GPC5: variants seen among roughly 807,000 people sequenced by gnomAD.
The protein encoded by GPC5 is glypican-5.
A neutral mutation model predicts 53.9 loss-of-function variants in GPC5; 47 were observed. The ratio of observed to expected loss-of-function variants is 0.87; its 90% CI spans 0.69 to 1.11. GPC5 has a LOEUF of 1.11. Ranked by LOEUF, GPC5 falls within the 50% of genes most tolerant of loss-of-function variation. The pLI, the probability that GPC5 is intolerant of heterozygous loss-of-function variation, is 0.00. For synonymous variants in GPC5, 286 were observed against 263.3 expected (o/e 1.09, Z -0.84); for missense variants, 748 against 713.1 (o/e 1.05, Z -0.56).
chr13:92,475,729 G>A (rs950739727), intron 7 of GPC5, among the ~76,000 whole-genome samples: 6 of 152,050 alleles, frequency 3.9e-5, no homozygotes, highest in East Asian at 1.9e-4. Flanking sequence ...CAGAAATAAC[G>A]CTGAATATCT....
chr13:92,237,369 A>G (rs1197022753), intron 7 of GPC5, among the ~76,000 whole-genome samples: 1 of 151,888 alleles, frequency 6.6e-6, no homozygotes, highest in East Asian at 1.9e-4. Flanking sequence ...ACAGGCACGC[A>G]CCACCAAGCA....
At chr13:91,756,216 G>A (rs1461468626) in intron 4 of GPC5, 79 bp from the exon 5 acceptor site, 12 of 1,042,030 alleles carry the variant, frequency 1.2e-5, no homozygotes, top group South Asian at 2.9e-5. Context: ...TAAACATTAT[G>A]TATAACAATA....
At chr13:92,637,135 T>G (rs889761708) in intron 7 of GPC5, among the ~76,000 whole-genome samples, 1 of 152,146 alleles carries the variant, frequency 6.6e-6, no homozygotes, top group Non-Finnish European at 1.5e-5. Context: ...CTCCTAATAG[T>G]CCTATCCATT....
intron 3 of GPC5, among the ~76,000 whole-genome samples, chr13:91,708,939 A>G (rs1267411807): frequency 6.6e-6 from 1 of 152,256 alleles, no homozygotes; most frequent in Non-Finnish European, 1.5e-5. Context: ...CAGATAAAAA[A>G]AAGTTCTCAT....
intron 7 of GPC5, among the ~76,000 whole-genome samples, chr13:92,586,972 ACACACACG>A (rs1175941416): frequency 6.6e-6 from 1 of 151,754 alleles, no homozygotes; most frequent in East Asian, 1.9e-4. Flanking sequence ...ACGCGCACAC[ACACACACG>A]CACACACACT....
intron 6 of GPC5, among the ~76,000 whole-genome samples, chr13:92,022,922 A>C (rs1202432677): frequency 6.6e-6 from 1 of 152,030 alleles, no homozygotes; most frequent in Non-Finnish European, 1.5e-5. Context: ...GCTCTGTTTC[A>C]ATTAATTTTT....
Position 91,519,684 on chromosome 13 carries a change from C to A in GPC5, c.325+70762C>A, listed in dbSNP as rs555267090. ...TCCAGTCTCAGGTATGTCTTTATAG[C>A]AGTGTGAGAATAGAATAATACATAT... On this transcript the variant is annotated intron_variant, in intron 2 of 7. Coordinates refer to ENST00000377067, the MANE Select transcript of GPC5 (RefSeq NM_004466.6). Among the ~76,000 whole-genome samples the A allele has an allele frequency of 7.2e-4, 110 of 152,146 alleles. 1 individual carries two copies. Among genetic ancestry groups the A allele is most frequent in the African/African-American group, 2.5e-3 (104 of 41,524 alleles).
intron 7 of GPC5, among the ~76,000 whole-genome samples, chr13:92,213,647 C>T (rs1158786939): frequency 6.6e-6 from 1 of 152,128 alleles, no homozygotes; most frequent in African/African-American, 2.4e-5. Flanking sequence ...TAATCTGTGA[C>T]ATTCCAAAAT....
intron 7 of GPC5, among the ~76,000 whole-genome samples, chr13:92,388,571 T>C (rs1874850932): frequency 6.6e-6 from 1 of 152,110 alleles, no homozygotes; most frequent in South Asian, 2.1e-4. Flanking sequence ...GGATGTATTG[T>C]TCATTGCAAT....
intron 2 of GPC5, among the ~76,000 whole-genome samples, chr13:91,656,890 T>C (rs1367496694): frequency 1.3e-5 from 2 of 152,174 alleles, no homozygotes; most frequent in African/African-American, 4.8e-5. Context: ...TTAGAAACAG[T>C]GCTGGGTGCT....
intron 7 of GPC5, among the ~76,000 whole-genome samples, chr13:92,829,065 C>A (rs1048970659): frequency 6.6e-5 from 10 of 152,088 alleles, no homozygotes; most frequent in Admixed American, 6.6e-4. Flanking sequence ...TGCAGAGCCA[C>A]CTTCTCATAC....
At chr13:92,029,505 C>T (rs574602213) in intron 6 of GPC5, among the ~76,000 whole-genome samples, 1 of 152,200 alleles carries the variant, frequency 6.6e-6, no homozygotes, top group African/African-American at 2.4e-5. Flanking sequence ...TGGACAACTT[C>T]TCGGGTTCAA....
intron 2 of GPC5, among the ~76,000 whole-genome samples, chr13:91,575,122 G>T (rs2139049784): frequency 6.6e-6 from 1 of 152,226 alleles, no homozygotes; most frequent in Admixed American, 6.5e-5. Flanking sequence ...GCAGTTTTCT[G>T]CCACTTCTGA....
At chr13:92,371,753 A>G (rs1299260922) in intron 7 of GPC5, among the ~76,000 whole-genome samples, 3 of 152,192 alleles carry the variant, frequency 2.0e-5, no homozygotes, top group Middle Eastern at 3.2e-3. Context: ...AAATGCCCCC[A>G]TGATTCAATT....
chr13:92,176,279 G>A (rs189292377), intron 7 of GPC5, among the ~76,000 whole-genome samples: 1 of 152,280 alleles, frequency 6.6e-6, no homozygotes, highest in East Asian at 1.9e-4. Context: ...GTATGCTAAG[G>A]CTCTCCCTGG....
chr13:92,623,404 G>T (rs538516905), intron 7 of GPC5, among the ~76,000 whole-genome samples: 2 of 152,300 alleles, frequency 1.3e-5, no homozygotes, highest in East Asian at 3.9e-4. Flanking sequence ...AGCTGTGAGG[G>T]CTGTAGAAGT....
intron 7 of GPC5, among the ~76,000 whole-genome samples, chr13:92,425,941 T>C (rs963858472): frequency 1.3e-5 from 2 of 152,130 alleles, no homozygotes; most frequent in African/African-American, 4.8e-5. Context: ...TATTTACACA[T>C]TTATAGTTGG....
At chr13:91,728,963 G>A (rs1408769662) in intron 4 of GPC5, among the ~76,000 whole-genome samples, 1 of 152,142 alleles carries the variant, frequency 6.6e-6, no homozygotes, top group African/African-American at 2.4e-5. Flanking sequence ...AATGTGACCA[G>A]TGTGACTGAG....
At chr13:92,098,575 G>A (rs996793736) in intron 6 of GPC5, among the ~76,000 whole-genome samples, 2 of 152,100 alleles carry the variant, frequency 1.3e-5, no homozygotes, top group Non-Finnish European at 2.9e-5. Flanking sequence ...GTAAAAGGCA[G>A]AAAAAATGCC....
Sources: allele counts gnomAD v4.1 joint callset (sites outside exome capture counted in the v4.1 genomes callset), GRCh38; gene constraint gnomAD v4.1.1; transcripts MANE v1.5; gene names NCBI Gene and HGNC (gene_info 2026-07-23, HGNC 2026-07-21).